CDNF: variants seen among roughly 807,000 people sequenced by gnomAD.
The protein encoded by CDNF is cerebral dopamine neurotrophic factor, also known as ARMET-like protein 1.
A neutral mutation model predicts 14.8 loss-of-function variants in CDNF; 9 were observed. The observed-to-expected ratio is 0.61, with a 90% CI of 0.37 to 1.06. CDNF has a LOEUF of 1.06. Among genes scored for constraint, CDNF ranks in the 50% least tolerant of loss-of-function variants. The pLI, the probability that CDNF is intolerant of heterozygous loss-of-function variation, is 0.01. For synonymous variants in CDNF, 86 were observed against 87.2 expected, an observed-to-expected ratio of 0.99 and a Z score of 0.07; for missense variants, 228 against 228.4, an observed-to-expected ratio of 1.00 and a Z score of 0.01.
intron 1 of CDNF, among the ~76,000 whole-genome samples, chr10:14,829,550 T>C (rs188149340): frequency 1.0e-3 from 159 of 152,344 alleles, no homozygotes; most frequent in Non-Finnish European, 1.7e-3. Context: ...GCTTGTTTTT[T>C]ATATCTTTAA....
At chr10:14,824,622 A>AG (rs1464173211) in intron 3 of CDNF, among the ~76,000 whole-genome samples, 4 of 149,170 alleles carry the variant, frequency 2.7e-5, no homozygotes, top group African/African-American at 9.7e-5. Flanking sequence ...AAAAAAAAAA[A>AG]AAAAAGGACA....
At chr10:14,826,391 CAGA>C (rs1833794171) in intron 2 of CDNF, among the ~76,000 whole-genome samples, 1 of 126,096 alleles carries the variant, frequency 7.9e-6, no homozygotes, top group African/African-American at 3.1e-5. Context: ...GAAGAAGAAG[CAGA>C]AGAAGCAGCA....
chr10:14,823,594 C>G (rs1833755649), intron 3 of CDNF, among the ~76,000 whole-genome samples: 1 of 152,138 alleles, frequency 6.6e-6, no homozygotes, highest in African/African-American at 2.4e-5. Flanking sequence ...TGAAAAAAAT[C>G]ACAGCTCACC....
rs566827487 is a variant in CDNF at position 14,829,818 on chromosome 10, C to T, written c.116-1546G>A. Among the ~76,000 whole-genome samples, 6 of 152,118 alleles carry T rather than the reference C, an allele frequency of 3.9e-5. No individual in the cohort carries two copies. In the South Asian group the frequency reaches 6.2e-4, roughly 16 times the overall value. ...CTAATTTTTATATTTTCAGTAGATA[C>T]GAGGTTTCACCATGTTGGCCAGGCT... On this transcript the variant is annotated intron_variant, in intron 1 of 3. Coordinates refer to ENST00000465530, the MANE Select transcript of CDNF (RefSeq NM_001029954.3).
chr10:14,825,907 T>C (rs563123179), intron 2 of CDNF, among the ~76,000 whole-genome samples: 1 of 147,722 alleles, frequency 6.8e-6, no homozygotes, highest in Non-Finnish European at 1.5e-5. Flanking sequence ...GCCAAGATCA[T>C]GCCAGGGCAC....
At chr10:14,826,402 G>A (rs1224848056) in intron 2 of CDNF, among the ~76,000 whole-genome samples, 3 of 151,078 alleles carry the variant, frequency 2.0e-5, no homozygotes, top group Non-Finnish European at 2.9e-5. Context: ...AGAAGAAGCA[G>A]CAGCAGCAGC....
At chr10:14,827,028 C>CT (rs1833803633) in intron 2 of CDNF, among the ~76,000 whole-genome samples, 1 of 123,670 alleles carries the variant, frequency 8.1e-6, no homozygotes, top group Non-Finnish European at 1.6e-5. Flanking sequence ...TCAGCCTGGG[C>CT]TACAAGGCCA....
intron 1 of CDNF, among the ~76,000 whole-genome samples, chr10:14,831,282 G>A (rs1339086770): frequency 1.3e-5 from 2 of 152,012 alleles, no homozygotes; most frequent in East Asian, 1.9e-4. Flanking sequence ...AATGCTCCCA[G>A]GTAAAGCCAG....
At position 14,820,157 on chromosome 10, in the gene CDNF, T is replaced by C; in HGVS notation, c.387A>G (p.Glu129=). 2 of 1,604,514 alleles carry C rather than the reference T, an allele frequency of 1.2e-6. No homozygotes were observed. ...CAACTGATGCCAAGTCCAGTGTTTT[T>C]TCTAAATGGCAAAAAGGAAAAAAGC... is the stretch of plus-strand genomic sequence containing the variant. ...LDSQICELKY[E]KTLDLASVDL... The change falls in exon 4 of 4, where the codon GAA becomes GAG. Residue 129 remains glutamate (E), a splice_region_variant and synonymous_variant. Coordinates refer to ENST00000465530, the MANE Select transcript of CDNF (RefSeq NM_001029954.3).
chr10:14,820,045 A>T lies in CDNF; in HGVS notation c.499T>A (p.Tyr167Asn). The T allele has an allele frequency of 6.2e-7, 1 of 1,614,088 alleles. No homozygotes were observed. Among genetic ancestry groups the T allele is most frequent in the African/African-American group, 1.3e-5 (1 of 75,012 alleles). Residue 167 changes from tyrosine (Y) to asparagine (N), a missense_variant, in exon 4 of 4, where the codon TAT becomes AAT. Physicochemically the swap from Tyr to Asn is moderately radical, Grantham distance 143. Transcript: ENST00000465530. ...GCCAGCTCTTGAATGAGATTCACAT[A>T]GTCAGTTTTTTCTGCACAGGCCCTG... ...ECRACAEKTD[Y>N]VNLIQELAPK...
chr10:14,836,492 A>C (rs1833888049), intron 1 of CDNF, among the ~76,000 whole-genome samples: 2 of 152,380 alleles, frequency 1.3e-5, no homozygotes, highest in African/African-American at 4.8e-5. Context: ...TTAAAAGTAT[A>C]GGACACAATT....
At chr10:14,832,852 C>CTTTTTTTT (rs918887413) in intron 1 of CDNF, among the ~76,000 whole-genome samples, 60 of 80,494 alleles carry the variant, frequency 7.5e-4, no homozygotes, top group East Asian at 1.9e-3. Context: ...TCTTTTTTTG[C>CTTTTTTTT]TTTTTTTTTT....
rs1035828714 is a variant in CDNF, at chr10:14,836,750, G to T, written c.115+1082C>A. On this transcript the variant is annotated intron_variant, in intron 1 of 3. Transcript: ENST00000465530. ...AGTTCAAGACCAGTCTGGCCAACAT[G>T]GTGAAACTGCATCTCTATTAAAAAT... Among the ~76,000 whole-genome samples, 3 of 152,050 alleles carry T rather than the reference G, an allele frequency of 2.0e-5. No individual in the cohort carries two copies. The South Asian group carries it at 6.2e-4, about 32-fold the overall frequency.
intron 1 of CDNF, among the ~76,000 whole-genome samples, chr10:14,833,207 G>A (rs1445917521): frequency 6.6e-6 from 1 of 152,098 alleles, no homozygotes; most frequent in Non-Finnish European, 1.5e-5. Flanking sequence ...AGACGTCTGT[G>A]ATGGTTAATT....
intron 2 of CDNF, 93 bp from the exon 3 acceptor site, chr10:14,825,713 G>C: frequency 7.2e-7 from 1 of 1,385,416 alleles, no homozygotes; most frequent in Non-Finnish European, 1.0e-6. Flanking sequence ...AGAAGAAAGA[G>C]GTAGGCTGGA....
At chr10:14,836,285 G>A (rs1833885659) in intron 1 of CDNF, 1 of 152,204 alleles carries the variant, frequency 6.6e-6, no homozygotes, top group Admixed American at 6.5e-5. Flanking sequence ...GATTACACAA[G>A]CTTCTTTACC....
At chr10:14,824,521 G>A (rs965790809) in intron 3 of CDNF, among the ~76,000 whole-genome samples, 7 of 148,984 alleles carry the variant, frequency 4.7e-5, no homozygotes, top group African/African-American at 1.5e-4. Flanking sequence ...CAGGAGAATC[G>A]CTTGAACCCA....
rs1257477973 is a variant in CDNF, at chr10:14,819,740, G to A, written c.*240C>T. The A allele has an allele frequency of 5.3e-6, 2 of 379,612 alleles. No homozygotes were observed. The highest frequency in any genetic ancestry group is 2.1e-5 in the African/African-American group (1 of 47,858). The allele number at this position is 379,612 out of a possible 1,614,324, so 23.5% of individuals were successfully genotyped here. A position where few individuals can be genotyped will look rare whatever the true frequency, so the allele number is the denominator to read the frequency against. On this transcript the variant is annotated 3_prime_UTR_variant, in exon 4 of 4. Coordinates refer to ENST00000465530, the MANE Select transcript of CDNF (RefSeq NM_001029954.3). The stretch of plus-strand genomic sequence containing the variant: ...GAGACAGGCAATGAAAACTGGCATA[G>A]TCATTCCAAGAAACTTATGAGAAAG...
intron 3 of CDNF, among the ~76,000 whole-genome samples, chr10:14,821,210 C>T (rs1043539204): frequency 2.0e-5 from 3 of 152,088 alleles, no homozygotes; most frequent in African/African-American, 7.2e-5. Context: ...CTGCAACCAC[C>T]ATCTCCCTGG....
Sources: gnomAD v4.1 joint callset for allele counts (sites outside exome capture counted in the v4.1 genomes callset) on GRCh38, gnomAD v4.1.1 for gene constraint, MANE v1.5 for transcripts, NCBI Gene and HGNC (gene_info 2026-07-23, HGNC 2026-07-21) for gene names.